The following ATP2C2 variants were observed in gnomAD, a reference collection of about 807,000 sequenced individuals.
The protein encoded by ATP2C2 is ATPase secretory pathway Ca2+ transporting 2.
In ATP2C2, 171 loss-of-function variants were observed where a neutral mutation model predicts 110.8. The ratio of observed to expected loss-of-function variants is 1.54; its 90% CI spans 1.36 to 1.75. The LOEUF (loss-of-function observed/expected upper bound fraction) is 1.75. ATP2C2 is among the 40% of genes most tolerant of loss of function. The pLI is 0.00. For synonymous variants in ATP2C2, 804 were observed against 508.4 expected (o/e 1.58, Z -7.82); for missense variants, 1,963 against 1,235.0 (o/e 1.59, Z -8.84).
intron 11 of ATP2C2, among the ~76,000 whole-genome samples, chr16:84,434,202 G>C (rs887736109): frequency 7.9e-5 from 12 of 152,020 alleles, no homozygotes; most frequent in African/African-American, 2.9e-4. Context: ...TGGATCATGA[G>C]GTCAAGAGAT....
intron 11 of ATP2C2, among the ~76,000 whole-genome samples, chr16:84,437,307 C>A (rs1908830189): frequency 6.6e-6 from 1 of 152,090 alleles, no homozygotes; most frequent in Non-Finnish European, 1.5e-5. Flanking sequence ...GATCCTCCTA[C>A]CTCAGCCTCC....
At chr16:84,460,345 G>C (rs959753107) in intron 23 of ATP2C2, 1 of 380,958 alleles carries the variant, frequency 2.6e-6, no homozygotes, top group African/African-American at 2.5e-5. Flanking sequence ...CAGGCGCAAC[G>C]TTGGGGGGGG....
At chr16:84,430,525 C>T (rs775309520) in intron 11 of ATP2C2, among the ~76,000 whole-genome samples, 3 of 151,730 alleles carry the variant, frequency 2.0e-5, no homozygotes, top group Non-Finnish European at 2.9e-5. Flanking sequence ...CCTATAATCC[C>T]AGCTACTGGG....
chr16:84,462,196 TGGGGAGCTGCAGCCCAGGA>T, intron 26 of ATP2C2, 67 bp downstream of exon 26: 1 of 1,565,180 alleles, frequency 6.4e-7, no homozygotes, highest in East Asian at 2.3e-5. Flanking sequence ...AGCTGCCAGG[TGGGGAGCTGCAGCCCAGGA>T]GGGGTCAGTG....
rs373140076 is a variant in ATP2C2 at position 84,463,697 on chromosome 16, C to A, written c.2806C>A (p.Pro936Thr). The A allele has an allele frequency of 2.5e-6, 4 of 1,614,000 alleles. No homozygotes were observed. The African/African-American group carries it at 4.0e-5, about 16-fold the overall frequency. Residue 936 changes from proline to threonine, a missense_variant, in exon 27 of 27, where the codon CCC (proline) becomes ACC (threonine). Physicochemically the swap from Pro to Thr is conservative, Grantham distance 38. Transcript: ENST00000262429. ...LKLCEKYCCSPKRVQMHPEDV is the reference protein window; with the variant it reads ...LKLCEKYCCSTKRVQMHPEDV Reference sequence around the variant, plus strand: ...ACTATGTGAAAAATACTGTTGCAGCCCCAAGAGAGTCCAGATGCACCCTGA... The same window carrying A: ...ACTATGTGAAAAATACTGTTGCAGCACCAAGAGAGTCCAGATGCACCCTGA...
chr16:84,461,554 C>CG, intron 24 of ATP2C2, 160 bp from the exon 25 acceptor site: 1 of 712,340 alleles, frequency 1.4e-6, no homozygotes, highest in East Asian at 2.5e-5. Flanking sequence ...GGGTAGCAGC[C>CG]ACTGACCTCA....
chr16:84,461,541 C>G, intron 24 of ATP2C2, 173 bp from the exon 25 acceptor site: 2 of 686,898 alleles, frequency 2.9e-6, no homozygotes. Flanking sequence ...TGGGGAGACC[C>G]TGGGGTAGCA....
intron 1 of ATP2C2, among the ~76,000 whole-genome samples, chr16:84,393,109 AGT>A (rs2151410884): frequency 6.6e-6 from 1 of 152,074 alleles, no homozygotes; most frequent in South Asian, 2.1e-4. Flanking sequence ...AGAAGAAGTG[AGT>A]GTGTGTTTGG....
chr16:84,415,602 C>A lies in ATP2C2; in HGVS notation c.624+11C>A, dbSNP rs746770145. 13 of 1,600,002 alleles carry A rather than the reference C, an allele frequency of 8.1e-6. No homozygotes were observed. Among genetic ancestry groups the A allele is most frequent in the Admixed American group, 1.7e-5 (1 of 58,406 alleles). ...ATCCGACTCACTGAGGTGAGTGGTT[C>A]CAAACCCTTGTCAATGGGGTATTTG... On this transcript the variant is annotated intron_variant, in intron 7 of 26. Transcript: ENST00000262429.
At chr16:84,414,463 G>GGT (rs113649917) in intron 6 of ATP2C2, among the ~76,000 whole-genome samples, 1 of 151,902 alleles carries the variant, frequency 6.6e-6, no homozygotes, top group Non-Finnish European at 1.5e-5. Flanking sequence ...ATAGAAGAAG[G>GGT]GTGTGTGTGT....
intron 1 of ATP2C2, among the ~76,000 whole-genome samples, chr16:84,393,833 T>A (rs1472338487): frequency 6.6e-5 from 10 of 150,988 alleles, no homozygotes; most frequent in Non-Finnish European, 1.2e-4. Context: ...GTGGACGGAG[T>A]TCCTGCCTGT....
intron 26 of ATP2C2, chr16:84,462,415 C>T (rs938445093): frequency 2.6e-5 from 9 of 344,416 alleles, no homozygotes; most frequent in African/African-American, 1.6e-4. Context: ...AGGCTCAGAG[C>T]ACGTGCAGGG....
chr16:84,414,397 T>C (rs944355153), intron 6 of ATP2C2, among the ~76,000 whole-genome samples: 1 of 152,188 alleles, frequency 6.6e-6, no homozygotes, highest in African/African-American at 2.4e-5. Context: ...GCTCTCCTCA[T>C]GATCCCAGAT....
intron 22 of ATP2C2, 25 bp from the exon 23 acceptor site, chr16:84,459,245 C>G (rs904343524): frequency 1.2e-6 from 2 of 1,614,124 alleles, no homozygotes; most frequent in Non-Finnish European, 1.7e-6. Flanking sequence ...CGGGCGGCCG[C>G]TGACTGGCTG....
chr16:84,438,403 C>T (rs1263060603), intron 11 of ATP2C2, among the ~76,000 whole-genome samples: 3 of 152,170 alleles, frequency 2.0e-5, no homozygotes, highest in Admixed American at 6.6e-5. Flanking sequence ...TGTGGAGTCT[C>T]AGCCAAAAGG....
chr16:84,380,100 G>C (rs1012664452), intron 1 of ATP2C2, among the ~76,000 whole-genome samples: 1 of 152,272 alleles, frequency 6.6e-6, no homozygotes, highest in East Asian at 1.9e-4. Context: ...ACCTGCAGTA[G>C]ATTTCAGGAA....
chr16:84,375,738 A>G (rs1194730283), intron 1 of ATP2C2, among the ~76,000 whole-genome samples: 1 of 152,212 alleles, frequency 6.6e-6, no homozygotes, highest in Non-Finnish European at 1.5e-5. Flanking sequence ...AGAGAATACA[A>G]TCTGGAGAAA....
At chr16:84,458,497 A>C (rs1567745211) in intron 21 of ATP2C2, among the ~76,000 whole-genome samples, 1 of 3,340 alleles carries the variant, frequency 3.0e-4, no homozygotes, top group African/African-American at 7.9e-4. Flanking sequence ...GAGTATAATA[A>C]AAAAAAAAAA....
At chr16:84,432,375 G>A (rs1046985166) in intron 11 of ATP2C2, among the ~76,000 whole-genome samples, 9 of 152,162 alleles carry the variant, frequency 5.9e-5, no homozygotes, top group Admixed American at 2.0e-4. Flanking sequence ...CTACCAACCC[G>A]TCATCTAGGT....
Sources: allele counts gnomAD v4.1 joint callset (sites outside exome capture counted in the v4.1 genomes callset), GRCh38; gene constraint gnomAD v4.1.1; transcripts MANE v1.5; gene names NCBI Gene and HGNC (gene_info 2026-07-23, HGNC 2026-07-21).